ACAT1: variants seen among roughly 807,000 people sequenced by gnomAD.
ACAT1 encodes acetyl-CoA acetyltransferase, mitochondrial.
A neutral mutation model predicts 47.3 loss-of-function variants in ACAT1; 28 were observed. That is an observed-to-expected ratio of 0.59 (90% confidence interval 0.44 to 0.81). The LOEUF (loss-of-function observed/expected upper bound fraction) is 0.81, where lower values mean the gene tolerates loss of function less well. Among genes scored for constraint, ACAT1 ranks in the 30% least tolerant of loss-of-function variants. The pLI is 0.00. For synonymous variants in ACAT1, 181 were observed against 173.6 expected, an observed-to-expected ratio of 1.04 and a Z score of -0.34; for missense variants, 469 against 524.3, an observed-to-expected ratio of 0.89 and a Z score of 1.03.
chr11:108,144,268 A>G (rs1331212738), intron 10 of ACAT1: 2 of 577,110 alleles, frequency 3.5e-6, no homozygotes, highest in Non-Finnish European at 3.1e-6. Context: ...TCAGTAGAAC[A>G]GGTAAAACTA....
intron 10 of ACAT1, chr11:108,144,280 A>G: frequency 1.8e-6 from 1 of 554,566 alleles, no homozygotes; most frequent in Non-Finnish European, 3.2e-6. Context: ...GTAAAACTAC[A>G]CATCTGAATT....
intron 9 of ACAT1, 185 bp downstream of exon 9, chr11:108,142,735 G>A: frequency 3.4e-6 from 2 of 580,330 alleles, no homozygotes; most frequent in East Asian, 3.2e-5. Flanking sequence ...TACTCGGGAA[G>A]CTGAGGTGGG....
At chr11:108,124,383 C>A (rs1170807331) in intron 1 of ACAT1, among the ~76,000 whole-genome samples, 1 of 152,144 alleles carries the variant, frequency 6.6e-6, no homozygotes, top group Non-Finnish European at 1.5e-5. Flanking sequence ...CCTGCCTCAG[C>A]CTCCTGAGTA....
chr11:108,144,136 T>A lies in ACAT1; in HGVS notation c.1005+89T>A, dbSNP rs1406768516. 4 of 1,428,028 alleles carry A rather than the reference T, an allele frequency of 2.8e-6. No homozygotes were observed. In the East Asian group the frequency reaches 9.1e-5, roughly 32 times the overall value. 88.5% of individuals were successfully genotyped at this position (1,428,028 alleles called of 1,614,324 possible). On this transcript the variant is annotated intron_variant, in intron 10 of 11. Coordinates refer to ENST00000265838, the MANE Select transcript of ACAT1 (RefSeq NM_000019.4). The stretch of plus-strand genomic sequence containing the variant: ...GCAGTTTTTAAGATTTTAAATGTTA[T>A]CTGCCAAAGCAGAGAGATAGCTTGG...
intron 5 of ACAT1, chr11:108,136,654 G>C (rs896158526): frequency 6.6e-6 from 1 of 152,170 alleles, no homozygotes; most frequent in Non-Finnish European, 1.5e-5. Flanking sequence ...GAAGTGCTTT[G>C]TTTTGAATAT....
intron 2 of ACAT1, 40 bp from the exon 3 acceptor site, chr11:108,133,780 G>A: frequency 6.6e-7 from 1 of 1,504,304 alleles, no homozygotes; most frequent in Non-Finnish European, 9.3e-7. Context: ...TACGATTTGG[G>A]TAAAATACCT....
chr11:108,126,786 G>C (rs956108881), intron 1 of ACAT1, among the ~76,000 whole-genome samples: 3 of 141,004 alleles, frequency 2.1e-5, no homozygotes, highest in African/African-American at 7.8e-5. Context: ...CAACAAACAG[G>C]TTTTCTTTTT....
chr11:108,121,755 C>G, intron 1 of ACAT1, 77 bp downstream of exon 1: 1 of 1,494,902 alleles, frequency 6.7e-7, no homozygotes, highest in Non-Finnish European at 9.1e-7. Flanking sequence ...CAGCCCGCGG[C>G]CGTTGCGGCT....
intron 1 of ACAT1, among the ~76,000 whole-genome samples, chr11:108,127,613 A>G (rs2077275992): frequency 6.6e-6 from 1 of 152,158 alleles, no homozygotes; most frequent in African/African-American, 2.4e-5. Context: ...AACTAAGGAT[A>G]TAGTGAAGTT....
In ACAT1 at chr11:108,124,721, G is replaced by A. The variant is rs146338711; in HGVS notation, c.72+3043G>A. Among the ~76,000 whole-genome samples, 146 of 152,298 alleles carry A rather than the reference G, an allele frequency of 9.6e-4. 1 individual carries two copies. The highest frequency in any genetic ancestry group is 3.3e-3 in the African/African-American group (137 of 41,558). Reference sequence around the variant, plus strand: ...CTTATGATCTGCTGGGCCCTACTTAGTTCTGTGGCCTCAGCTGCTGCCGTG... The same window carrying A: ...CTTATGATCTGCTGGGCCCTACTTAATTCTGTGGCCTCAGCTGCTGCCGTG... On this transcript the variant is annotated intron_variant, in intron 1 of 11. Transcript: ENST00000265838.
intron 7 of ACAT1, among the ~76,000 whole-genome samples, chr11:108,141,047 G>A (rs1311425056): frequency 2.0e-5 from 3 of 152,008 alleles, no homozygotes; most frequent in Non-Finnish European, 4.4e-5. Context: ...GCAACGAAGT[G>A]AGACTTGGCC....
chr11:108,136,138 G>A, intron 5 of ACAT1: 1 of 660,168 alleles, frequency 1.5e-6, no homozygotes, highest in South Asian at 1.7e-5. Context: ...TGGACACACA[G>A]AAGAATCAAG....
rs397951009 is a variant in ACAT1 at position 108,131,354 on chromosome 11, A to ATTTTTTT, written c.73-541_73-535dup. Among the ~76,000 whole-genome samples, 524 of 62,648 alleles carry ATTTTTTT rather than the reference A, an allele frequency of 8.4e-3. 87 individuals are homozygous for ATTTTTTT. Among genetic ancestry groups the ATTTTTTT allele is most frequent in the Admixed American group, 0.016 (61 of 3,708 alleles). The allele number at this position is 62,648 out of a possible 152,430, so 41.1% of individuals were successfully genotyped here. ...AAGCTATATTTAAGAAAGACTTGGAATTTTTTTTTTTTTTTTTTAGACAGT... is the reference window on the plus strand; with the variant it reads ...AAGCTATATTTAAGAAAGACTTGGAATTTTTTTTTTTTTTTTTTTTTTTTTAGACAGT... On this transcript the variant is annotated intron_variant, in intron 1 of 11. Transcript: ENST00000265838.
intron 1 of ACAT1, chr11:108,129,257 TACC>T (rs1283012545): frequency 2.0e-5 from 3 of 152,240 alleles, no homozygotes; most frequent in African/African-American, 4.8e-5. Flanking sequence ...ATGGTATATA[TACC>T]ACATTTGCTT....
chr11:108,147,132 G>A, intron 11 of ACAT1, 138 bp from the exon 12 acceptor site: 1 of 1,036,004 alleles, frequency 9.7e-7, no homozygotes, highest in Admixed American at 2.1e-5. Context: ...CCAAGTTTTA[G>A]TTTTAGAATA....
intron 1 of ACAT1, among the ~76,000 whole-genome samples, chr11:108,127,162 A>G (rs929509643): frequency 2.0e-5 from 3 of 151,172 alleles, no homozygotes; most frequent in African/African-American, 7.3e-5. Flanking sequence ...TGATTTGGAC[A>G]TTCACCTGCA....
chr11:108,147,185 C>T, intron 11 of ACAT1, 85 bp from the exon 12 acceptor site: 11 of 1,523,680 alleles, frequency 7.2e-6, no homozygotes, highest in African/African-American at 1.4e-5. Flanking sequence ...GTAAGGTTTT[C>T]AAGAAGTTAA....
Position 108,121,573 on chromosome 11 carries a change from C to G in ACAT1, c.-34C>G, listed in dbSNP as rs1453687112. The G allele has an allele frequency of 1.9e-6, 3 of 1,547,624 alleles. No individual in the cohort carries two copies. Among genetic ancestry groups the G allele is most frequent in the African/African-American group, 2.7e-5 (2 of 73,028 alleles). ...GGTTGGGGAGGAGGCCGCTAGTCTA[C>G]GCCTGTGGAGCCGATACTCAGCCCT... On this transcript the variant is annotated 5_prime_UTR_variant, in exon 1 of 12. Transcript: ENST00000265838.
At chr11:108,116,928 T>A (rs1016425557), upstream of ACAT1, among the ~76,000 whole-genome samples, 2 of 152,208 alleles carry the variant, frequency 1.3e-5, no homozygotes, top group East Asian at 1.9e-4. Flanking sequence ...TCTTTTGTTT[T>A]AAGCCACCCA....
Sources: allele counts gnomAD v4.1 joint callset (sites outside exome capture counted in the v4.1 genomes callset), GRCh38; gene constraint gnomAD v4.1.1; transcripts MANE v1.5; gene names NCBI Gene and HGNC (gene_info 2026-07-23, HGNC 2026-07-21).